ANKS1B: variants seen among roughly 807,000 people sequenced by gnomAD.
The protein encoded by ANKS1B is ankyrin repeat and sterile alpha motif domain containing 1B, also known as ankyrin repeat and sterile alpha motif domain-containing protein 1B.
Under a neutral mutation model 148.3 loss-of-function variants are expected in ANKS1B, and 36 were observed. The observed-to-expected ratio is 0.24, with a 90% CI of 0.19 to 0.32. The LOEUF is 0.32. ANKS1B is among the 10% of genes least tolerant of loss of function. The pLI is 1.00. For missense variants in ANKS1B, 1,157 were observed against 1,542.6 expected (o/e 0.75, Z 4.19); for synonymous variants, 542 against 560.8 (o/e 0.97, Z 0.47).
At chr12:99,487,213 G>T (rs969101557) in intron 10 of ANKS1B, among the ~76,000 whole-genome samples, 1 of 152,170 alleles carries the variant, frequency 6.6e-6, no homozygotes, top group African/African-American at 2.4e-5. Context: ...TCTCCTAGGA[G>T]GTGGGAATCC....
rs115586521 is a variant in ANKS1B, at chr12:99,881,064, T to A, written c.135-55675A>T. Among the ~76,000 whole-genome samples, 788 of 152,292 alleles carry A rather than the reference T, an allele frequency of 5.2e-3. 7 individuals are homozygous for A. The highest frequency in any genetic ancestry group is 0.018 in the African/African-American group (743 of 41,544). On this transcript the variant is annotated intron_variant, in intron 1 of 26. Coordinates refer to ENST00000683438, the MANE Select transcript of ANKS1B (RefSeq NM_001352186.2). Reference sequence around the variant, plus strand: ...GATTGGAGAAGACCAGAATTCAAAGTATCAGCAGTGCGTTTCTTGTTTTTC... The same window carrying A: ...GATTGGAGAAGACCAGAATTCAAAGAATCAGCAGTGCGTTTCTTGTTTTTC...
chr12:99,271,812 T>C lies in ANKS1B; in HGVS notation c.1757-24948A>G, dbSNP rs1334426972. ...GTGGGGAAGAAGGATGAACCAAGAC[T>C]GGAGTGAAGGAAGGATTGGGTAATA... On this transcript the variant is annotated intron_variant, in intron 12 of 26. Transcript: ENST00000683438. Among the ~76,000 whole-genome samples, 7 of 151,440 alleles carry C rather than the reference T, an allele frequency of 4.6e-5. No homozygotes were observed. In the East Asian group the frequency reaches 1.4e-3, roughly 29 times the overall value.
intron 1 of ANKS1B, among the ~76,000 whole-genome samples, chr12:99,828,033 A>G (rs918705158): frequency 3.3e-5 from 5 of 152,240 alleles, no homozygotes; most frequent in Non-Finnish European, 7.3e-5. Flanking sequence ...TAAAACAGAG[A>G]CAACCCAAAT....
chr12:99,721,564 A>ACC (rs1298788817), intron 8 of ANKS1B, among the ~76,000 whole-genome samples: 2 of 151,654 alleles, frequency 1.3e-5, no homozygotes, highest in African/African-American at 4.8e-5. Context: ...CCAGAGAACA[A>ACC]CCCCCCTTTG....
rs754067714 is a variant in ANKS1B at position 98,860,823 on chromosome 12, G to A, written c.2779-28687C>T. 6.6e-5 allele frequency among the ~76,000 whole-genome samples: 10 copies of A among 152,118 alleles called. No homozygotes were observed. In the South Asian group the frequency reaches 8.3e-4, roughly 13 times the overall value. On this transcript the variant is annotated intron_variant, in intron 17 of 26. Coordinates refer to ENST00000683438, the MANE Select transcript of ANKS1B (RefSeq NM_001352186.2). The stretch of plus-strand genomic sequence containing the variant: ...GGTGCAGCAAACCAACATGGCACAC[G>A]TTTACCTATGTAACAAATCTGCAAG...
At chr12:99,169,160 T>G (rs1457935228) in intron 14 of ANKS1B, among the ~76,000 whole-genome samples, 1 of 152,184 alleles carries the variant, frequency 6.6e-6, no homozygotes, top group Non-Finnish European at 1.5e-5. Context: ...CTTGTGGAAT[T>G]TATAGCCTTG....
At chr12:99,183,414 C>T (rs150832730) in intron 14 of ANKS1B, among the ~76,000 whole-genome samples, 10,490 of 152,076 alleles carry the variant, frequency 0.069, 1,159 homozygotes, top group African/African-American at 0.23. Flanking sequence ...GAGGCCAAGG[C>T]GGGCGGATCA....
chr12:99,383,849 CA>C (rs1160915276), intron 12 of ANKS1B, among the ~76,000 whole-genome samples: 4,452 of 77,838 alleles, frequency 0.057, 299 homozygotes, highest in African/African-American at 0.16. Flanking sequence ...CCCATCTCTA[CA>C]AAAAAAAAAA....
At position 99,467,599 on chromosome 12, in the gene ANKS1B, A is replaced by T. The variant is rs1278723422; in HGVS notation, c.1439-23790T>A. Among the ~76,000 whole-genome samples the T allele has an allele frequency of 4.3e-3, 655 of 152,186 alleles. 15 individuals carry two copies. Among genetic ancestry groups the T allele is most frequent in the Non-Finnish European group, 1.6e-3 (108 of 67,998 alleles). On this transcript the variant is annotated intron_variant, in intron 10 of 26. Coordinates refer to ENST00000683438, the MANE Select transcript of ANKS1B (RefSeq NM_001352186.2). ...AAGCAACTTCAGCAAAGTCTCAGGAAACAAAATCAATGTACAAAAATCACA... is the reference window on the plus strand; with the variant it reads ...AAGCAACTTCAGCAAAGTCTCAGGATACAAAATCAATGTACAAAAATCACA...
At chr12:99,557,898 C>T (rs2153188941) in intron 9 of ANKS1B, among the ~76,000 whole-genome samples, 1 of 152,224 alleles carries the variant, frequency 6.6e-6, no homozygotes, top group East Asian at 1.9e-4. Flanking sequence ...AGTCAACAGG[C>T]TTTGTTTCTG....
intron 14 of ANKS1B, among the ~76,000 whole-genome samples, chr12:99,176,768 C>T (rs1161774384): frequency 6.6e-6 from 1 of 152,008 alleles, no homozygotes; most frequent in Admixed American, 6.6e-5. Context: ...CTCTCGATCC[C>T]ATTTTCTCCG....
intron 12 of ANKS1B, among the ~76,000 whole-genome samples, chr12:99,306,433 C>A (rs1439526545): frequency 6.6e-6 from 1 of 151,836 alleles, no homozygotes; most frequent in African/African-American, 2.4e-5. Context: ...TGTGTGTCTC[C>A]CTACCCCCAC....
At chr12:98,887,820 C>A (rs1448261393) in intron 17 of ANKS1B, among the ~76,000 whole-genome samples, 1 of 152,162 alleles carries the variant, frequency 6.6e-6, no homozygotes, top group Non-Finnish European at 1.5e-5. Context: ...GCCGTGTTGG[C>A]CAGACTGGTC....
chr12:99,369,791 TGGAC>T lies in ANKS1B; in HGVS notation c.1756+29836_1756+29839del, dbSNP rs201801314. On this transcript the variant is annotated intron_variant, in intron 12 of 26. Transcript: ENST00000683438. ...ATAGATAGATAGATAGATAGATAGATGGACGGACGGACAGACGGACGGACGGACA... is the reference window on the plus strand; with the variant it reads ...ATAGATAGATAGATAGATAGATAGATGGACGGACAGACGGACGGACGGACA... Among the ~76,000 whole-genome samples, 4 of 148,770 alleles carry T rather than the reference TGGAC, an allele frequency of 2.7e-5. No individual in the cohort carries two copies. In the East Asian group the frequency reaches 6.0e-4, roughly 22 times the overall value.
rs1400334702 is a variant in ANKS1B at position 99,823,469 on chromosome 12, C to T, written c.215+1840G>A. 2.0e-5 allele frequency among the ~76,000 whole-genome samples: 3 copies of T among 152,106 alleles called. No homozygotes were observed. The East Asian group carries it at 5.8e-4, about 29-fold the overall frequency. Reference sequence around the variant, plus strand: ...TACAGGCACATATCATCGTGCCCAGCTAATTTTTGTAATTTTAGTAGAGAC... The same window carrying T: ...TACAGGCACATATCATCGTGCCCAGTTAATTTTTGTAATTTTAGTAGAGAC... On this transcript the variant is annotated intron_variant, in intron 2 of 26. Coordinates refer to ENST00000683438, the MANE Select transcript of ANKS1B (RefSeq NM_001352186.2).
chr12:99,910,705 AATT>A (rs140138220), intron 1 of ANKS1B, among the ~76,000 whole-genome samples: 8,442 of 152,252 alleles, frequency 0.055, 338 homozygotes, highest in Admixed American at 0.099. Context: ...ACATTATGAG[AATT>A]ATATCTCAAT....
At chr12:99,505,031 T>C (rs1005944835) in intron 9 of ANKS1B, among the ~76,000 whole-genome samples, 3 of 152,016 alleles carry the variant, frequency 2.0e-5, no homozygotes, top group African/African-American at 7.2e-5. Context: ...CCATTAGATG[T>C]AAGATGAAGT....
intron 8 of ANKS1B, among the ~76,000 whole-genome samples, chr12:99,766,564 A>G (rs532634531): frequency 3.3e-5 from 5 of 152,282 alleles, no homozygotes; most frequent in Middle Eastern, 3.4e-3. Flanking sequence ...ATGCAGGTCA[A>G]CATGATCCTA....
chr12:99,683,385 T>C (rs897429533), intron 8 of ANKS1B, among the ~76,000 whole-genome samples: 12 of 151,958 alleles, frequency 7.9e-5, no homozygotes, highest in African/African-American at 1.9e-4. Flanking sequence ...CTAGAGGAGA[T>C]AGATAAATTC....
Sources: gnomAD v4.1 joint callset for allele counts (sites outside exome capture counted in the v4.1 genomes callset) on GRCh38, gnomAD v4.1.1 for gene constraint, MANE v1.5 for transcripts, NCBI Gene and HGNC (gene_info 2026-07-23, HGNC 2026-07-21) for gene names.